SCN11A: variants seen among roughly 807,000 people sequenced by gnomAD.
SCN11A encodes sodium voltage-gated channel alpha subunit 11, also known as sodium channel protein type 11 subunit alpha.
SCN11A carries 122 observed loss-of-function variants against 162.2 expected under a neutral mutation model. The observed-to-expected ratio is 0.75, with a 90% CI of 0.65 to 0.87. The LOEUF is 0.87. Among genes scored for constraint, SCN11A ranks in the 40% least tolerant of loss-of-function variants. The pLI is 0.00. For missense variants in SCN11A, 2,015 were observed against 2,181.6 expected (o/e 0.92, Z 1.52); for synonymous variants, 758 against 751.5 (o/e 1.01, Z -0.14).
chr3:38,966,160 C>T (rs1430663684), intron 2 of SCN11A, among the ~76,000 whole-genome samples: 2 of 152,140 alleles, frequency 1.3e-5, no homozygotes, highest in Non-Finnish European at 2.9e-5. Context: ...GGCTGTTTGG[C>T]CCAACCCAAA....
At chr3:38,964,083 A>G (rs2066765329) in intron 2 of SCN11A, among the ~76,000 whole-genome samples, 1 of 152,194 alleles carries the variant, frequency 6.6e-6, no homozygotes, top group Admixed American at 6.5e-5. Flanking sequence ...GTCCTGTGGG[A>G]AATTAAAACA....
chr3:38,971,976 G>C (rs1338798381), intron 2 of SCN11A, among the ~76,000 whole-genome samples: 3 of 152,176 alleles, frequency 2.0e-5, no homozygotes, highest in Non-Finnish European at 1.5e-5. Context: ...GAGGTAGGGA[G>C]GGGGAAGAAG....
intron 9 of SCN11A, 36 bp downstream of exon 9, chr3:38,925,379 A>G: frequency 7.5e-7 from 1 of 1,333,130 alleles, no homozygotes; most frequent in Non-Finnish European, 1.1e-6. Flanking sequence ...CATTCTTTCT[A>G]GATAGGAGCC....
rs181751746 is a variant in SCN11A at position 38,862,026 on chromosome 3, C to T, written c.4056+1169G>A. Among the ~76,000 whole-genome samples, 271 of 152,086 alleles carry T rather than the reference C, an allele frequency of 1.8e-3. 1 individual carries two copies. The highest frequency in any genetic ancestry group is 6.2e-3 in the African/African-American group (257 of 41,510). ...ACTAATTTTCAGGATCTACAAGGAA[C>T]TCAAACAAATCATCAAGACAAAAAC... On this transcript the variant is annotated intron_variant, in intron 28 of 29. Coordinates refer to ENST00000302328, the MANE Select transcript of SCN11A (RefSeq NM_001349253.2).
rs1424409604 is a variant in SCN11A at position 38,880,086 on chromosome 3, A to G, written c.3257T>C (p.Ile1086Thr). The G allele has an allele frequency of 3.1e-6, 5 of 1,611,984 alleles. No individual in the cohort carries two copies. Among genetic ancestry groups the G allele is most frequent in the Non-Finnish European group, 4.2e-6 (5 of 1,178,608 alleles). ...GTCAGTACAATTTAGTAATTCTTGG[A>G]TTTTGGGTTGGTTCTCAAGGTGAAC... ...EDVHLENQPK[I>T]QELLNCTDII... The change falls in exon 23 of 30, where the codon ATC (isoleucine) becomes ACC (threonine). Residue 1086 changes from isoleucine (I) to threonine (T), a missense_variant. Transcript: ENST00000302328.
chr3:38,908,635 G>A (rs991193989), intron 13 of SCN11A, among the ~76,000 whole-genome samples: 1 of 152,106 alleles, frequency 6.6e-6, no homozygotes, highest in African/African-American at 2.4e-5. Flanking sequence ...AAGCAAAGGC[G>A]CCGAACACAA....
chr3:38,992,925 T>C (rs929789536), intron 2 of SCN11A, among the ~76,000 whole-genome samples: 36 of 152,346 alleles, frequency 2.4e-4, no homozygotes, highest in African/African-American at 8.4e-4. Flanking sequence ...GAGAGCTTCC[T>C]ACGCCACTCT....
rs371178341 is a variant in SCN11A, at chr3:38,847,656, G to A, written c.4414C>T (p.Arg1472Ter). The A allele has an allele frequency of 6.8e-5, 110 of 1,613,834 alleles. No individual in the cohort carries two copies. The highest frequency in any genetic ancestry group is 5.5e-4 in the Admixed American group (33 of 60,004). Residue 1472 changes from arginine to a stop codon, truncating the protein, a stop_gained, in exon 30 of 30, where the codon CGA becomes TGA. Coordinates refer to ENST00000302328, the MANE Select transcript of SCN11A (RefSeq NM_001349253.2). LOFTEE classifies it low-confidence loss of function (END_TRUNC). ...FRIVRLARIG[R>*]ILRLVRAARG... ...GCAGCCCGGACAAGCCTCAGGATTC[G>A]GCCAATCCGAGCCAAGCGGACAATT...
intron 2 of SCN11A, among the ~76,000 whole-genome samples, chr3:38,995,175 G>A (rs888496493): frequency 6.6e-6 from 1 of 150,534 alleles, no homozygotes; most frequent in African/African-American, 2.4e-5. Flanking sequence ...CTGTTGCCCA[G>A]GCTGGAGTGC....
chr3:38,973,256 T>TA (rs1384927478), intron 2 of SCN11A, among the ~76,000 whole-genome samples: 1 of 152,240 alleles, frequency 6.6e-6, no homozygotes, highest in Non-Finnish European at 1.5e-5. Flanking sequence ...AAAATGTTTT[T>TA]AATTGCTATA....
rs1315711453 is a variant in SCN11A, at chr3:38,944,963, CAAAAAATAAA to C, written c.488+438_488+447del. ...GGGCAACAAGAGCAAAACCCTGTCT[CAAAAAATAAA>C]AAAAAATAAAAAAAGAATAGCTTTA... On this transcript the variant is annotated intron_variant, in intron 7 of 29. Coordinates refer to ENST00000302328, the MANE Select transcript of SCN11A (RefSeq NM_001349253.2). Among the ~76,000 whole-genome samples, 6 of 137,406 alleles carry C rather than the reference CAAAAAATAAA, an allele frequency of 4.4e-5. No individual in the cohort carries two copies. The South Asian group carries it at 1.1e-3, about 26-fold the overall frequency. The allele number at this position is 137,406 out of a possible 152,430, so 90.1% of individuals were successfully genotyped here.
chr3:38,882,306 T>C (rs546859618), intron 22 of SCN11A, among the ~76,000 whole-genome samples: 1 of 152,302 alleles, frequency 6.6e-6, no homozygotes, highest in South Asian at 2.1e-4. Flanking sequence ...AGACATTTCC[T>C]TGTCTTTTTC....
intron 8 of SCN11A, 104 bp downstream of exon 8, chr3:38,926,699 G>C: frequency 8.5e-7 from 1 of 1,174,708 alleles, no homozygotes; most frequent in Non-Finnish European, 1.2e-6. Context: ...GGCATTACTA[G>C]GCCATACTCA....
At chr3:38,873,746 C>A (rs2065165377) in intron 23 of SCN11A, among the ~76,000 whole-genome samples, 1 of 152,150 alleles carries the variant, frequency 6.6e-6, no homozygotes, top group South Asian at 2.1e-4. Context: ...TAGAAACACC[C>A]ACATTCTTTC....
chr3:38,937,544 C>T (rs2066356007), intron 7 of SCN11A, among the ~76,000 whole-genome samples: 1 of 151,512 alleles, frequency 6.6e-6, no homozygotes, highest in South Asian at 2.1e-4. Flanking sequence ...CAAACAACCC[C>T]ATCAAAAAGT....
At chr3:38,987,303 T>TCACA (rs57092499) in intron 2 of SCN11A, among the ~76,000 whole-genome samples, 1,643 of 104,434 alleles carry the variant, frequency 0.016, 16 homozygotes, top group Non-Finnish European at 0.024. Flanking sequence ...TCTCTCTCTC[T>TCACA]CACACACACA....
intron 2 of SCN11A, among the ~76,000 whole-genome samples, chr3:39,024,530 C>T (rs1159837252): frequency 2.0e-5 from 3 of 152,222 alleles, no homozygotes; most frequent in Non-Finnish European, 4.4e-5. Flanking sequence ...ACTAGCCATA[C>T]AAACTAGAAT....
chr3:38,894,463 G>A, intron 19 of SCN11A, 70 bp downstream of exon 19: 1 of 1,276,938 alleles, frequency 7.8e-7, no homozygotes, highest in Non-Finnish European at 1.1e-6. Flanking sequence ...CTAGAAAAGG[G>A]CAGGCTACCA....
At position 38,894,752 on chromosome 3, in the gene SCN11A, G is replaced by C. The variant is rs2065563759; in HGVS notation, c.2616C>G (p.Gly872=). 1 of 1,614,194 alleles carries C rather than the reference G, an allele frequency of 6.2e-7. No homozygotes were observed. The highest frequency in any genetic ancestry group is 2.2e-5 in the East Asian group (1 of 44,882). The part of the protein sequence containing the change: ...NLPQQKEVAG[G]CAAQSKDIIP... ...TGATGTCTTTGCTTTGTGCAGCACA[G>C]CCTCCTGCCACCTCTTTTTGCTGTG... The change falls in exon 19 of 30, where the codon GGC becomes GGG. Residue 872 remains glycine, a synonymous_variant. Transcript: ENST00000302328.
Sources: allele counts gnomAD v4.1 joint callset (sites outside exome capture counted in the v4.1 genomes callset), GRCh38; gene constraint gnomAD v4.1.1; transcripts MANE v1.5; gene names NCBI Gene and HGNC (gene_info 2026-07-23, HGNC 2026-07-21).